Variants in PTCHD4 observed in about 807,000 individuals in gnomAD.
PTCHD4 encodes patched domain-containing protein 4.
In PTCHD4, 33 loss-of-function variants were observed where a neutral mutation model predicts 58.1. That is an observed-to-expected ratio of 0.57 (90% confidence interval 0.43 to 0.76). The LOEUF is 0.76. Among genes scored for constraint, PTCHD4 ranks in the 30% least tolerant of loss-of-function variants. The pLI is 0.00. For synonymous variants in PTCHD4, 478 were observed against 409.6 expected, an observed-to-expected ratio of 1.17 and a Z score of -2.02; for missense variants, 1,058 against 1,027.1, an observed-to-expected ratio of 1.03 and a Z score of -0.41.
intron 3 of PTCHD4, among the ~76,000 whole-genome samples, chr6:48,024,611 T>C (rs1763179095): frequency 6.6e-6 from 1 of 152,174 alleles, no homozygotes; most frequent in African/African-American, 2.4e-5. Flanking sequence ...CTGTAGGCAT[T>C]CTATGATCCC....
chr6:48,104,683 C>G (rs141187842), intron 1 of PTCHD4, among the ~76,000 whole-genome samples: 8 of 152,264 alleles, frequency 5.3e-5, no homozygotes, highest in African/African-American at 1.4e-4. Flanking sequence ...CAAGACCCAT[C>G]AGTGTGCTGT....
chr6:47,973,665 T>G (rs995871521), intron 4 of PTCHD4, among the ~76,000 whole-genome samples: 1 of 152,198 alleles, frequency 6.6e-6, no homozygotes, highest in African/African-American at 2.4e-5. Context: ...TGTATATCTA[T>G]AAGTATGGAA....
In PTCHD4 at chr6:48,068,284, A is replaced by G. The variant is rs1413589801; in HGVS notation, c.363T>C (p.Ile121=). ...VILLSPTGDN[I]LLQAEGILQT... ...GCAGGATCCCCTCAGCCTGGAGCAA[A>G]ATATTGTCCCCGGTTGGGGAGAGGA... is the stretch of plus-strand genomic sequence containing the variant. Residue 121 remains isoleucine (I), a synonymous_variant, in exon 3 of 5, where the codon ATT becomes ATC. Coordinates refer to ENST00000339488, the MANE Select transcript of PTCHD4 (RefSeq NM_001384253.1). The surrounding 1 kb of genome is among the most constrained non-coding windows in gnomAD (Gnocchi z 4.2). 3 of 1,609,186 alleles carry G rather than the reference A, an allele frequency of 1.9e-6. No homozygotes were observed. Among genetic ancestry groups the G allele is most frequent in the Non-Finnish European group, 2.6e-6 (3 of 1,176,386 alleles).
chr6:47,942,083 A>G (rs1766250981), intron 4 of PTCHD4, among the ~76,000 whole-genome samples: 1 of 152,296 alleles, frequency 6.6e-6, no homozygotes, highest in Admixed American at 6.5e-5. Context: ...ATATTATGCA[A>G]TTTGGCCATT....
intron 4 of PTCHD4, among the ~76,000 whole-genome samples, chr6:47,897,084 A>G (rs564965738): frequency 3.9e-5 from 6 of 152,196 alleles, no homozygotes; most frequent in Admixed American, 6.5e-5. Context: ...GTGTTCTAGT[A>G]TTTTGAGGTG....
chr6:47,952,969 C>T (rs1190929191), intron 4 of PTCHD4, among the ~76,000 whole-genome samples: 1 of 151,954 alleles, frequency 6.6e-6, no homozygotes, highest in African/African-American at 2.4e-5. Context: ...CATACATGCA[C>T]ATATACATAT....
At chr6:48,000,318 T>C (rs1021473987) in intron 4 of PTCHD4, among the ~76,000 whole-genome samples, 11 of 152,204 alleles carry the variant, frequency 7.2e-5, no homozygotes, top group African/African-American at 2.2e-4. Flanking sequence ...TCTGTCATTA[T>C]AGTCACATCT....
intron 4 of PTCHD4, among the ~76,000 whole-genome samples, chr6:47,939,752 TAC>T (rs1766138765): frequency 6.6e-6 from 1 of 152,100 alleles, no homozygotes; most frequent in South Asian, 2.1e-4. Context: ...AAGTGCTTAT[TAC>T]AGTTTTGACA....
At chr6:48,088,482 C>G (rs938440225) in intron 1 of PTCHD4, among the ~76,000 whole-genome samples, 1 of 151,998 alleles carries the variant, frequency 6.6e-6, no homozygotes, top group African/African-American at 2.4e-5. Context: ...ATAGAGCAAA[C>G]AAAAGCTGTG....
chr6:47,894,161 C>T (rs1277256575), intron 4 of PTCHD4, among the ~76,000 whole-genome samples: 1 of 152,196 alleles, frequency 6.6e-6, no homozygotes, highest in South Asian at 2.1e-4. Context: ...GTCAATTGAA[C>T]TTATTCCTGA....
At chr6:48,079,777 C>T (rs1000514740) in intron 1 of PTCHD4, among the ~76,000 whole-genome samples, 2 of 151,858 alleles carry the variant, frequency 1.3e-5, no homozygotes, top group Admixed American at 1.3e-4. Context: ...AGTGCTTCCA[C>T]CTCTCCACCT....
chr6:48,103,652 G>A (rs878908883), intron 1 of PTCHD4, among the ~76,000 whole-genome samples: 4 of 152,080 alleles, frequency 2.6e-5, no homozygotes, highest in African/African-American at 7.2e-5. Flanking sequence ...AAACTACTCC[G>A]AGCTAAAGGA....
At chr6:47,987,702 T>C (rs1316564396) in intron 4 of PTCHD4, among the ~76,000 whole-genome samples, 1 of 152,114 alleles carries the variant, frequency 6.6e-6, no homozygotes, top group Non-Finnish European at 1.5e-5. Flanking sequence ...CAATTCAAAC[T>C]TGGATTTCCA....
chr6:48,068,634 C>A lies in PTCHD4; in HGVS notation c.13G>T (p.Gly5Ter), dbSNP rs1453969239. 2 of 1,551,106 alleles carry A rather than the reference C, an allele frequency of 1.3e-6. No homozygotes were observed. The highest frequency in any genetic ancestry group is 1.7e-6 in the Non-Finnish European group (2 of 1,153,444). Residue 5 changes from glycine (G) to a stop codon, truncating the protein, a stop_gained, in exon 3 of 5, where the codon GGA becomes TGA. Transcript: ENST00000339488. LOFTEE classifies it high-confidence loss of function. The surrounding 1 kb of genome is among the most constrained non-coding windows in gnomAD (Gnocchi z 4.2). MRRP[G>*]APASWIWWRM... ...CACCAGATCCAGCTCGCAGGCGCTC[C>A]CGGCCGTCTTAAAAAGCACATGTGA...
At chr6:47,900,751 G>T (rs528086904) in intron 4 of PTCHD4, 1 of 152,332 alleles carries the variant, frequency 6.6e-6, no homozygotes, top group East Asian at 1.9e-4. Context: ...TTTGTCAAAT[G>T]CCCTTTCTTT....
rs142812440 is a variant in PTCHD4, at chr6:48,074,092, G to A, written c.-969-4166C>T. Among the ~76,000 whole-genome samples, 737 of 151,832 alleles carry A rather than the reference G, an allele frequency of 4.9e-3. 2 individuals are homozygous for A. Among genetic ancestry groups the A allele is most frequent in the South Asian group, 0.022 (104 of 4,806 alleles). On this transcript the variant is annotated intron_variant, in intron 1 of 4. Coordinates refer to ENST00000339488, the MANE Select transcript of PTCHD4 (RefSeq NM_001384253.1). The stretch of plus-strand genomic sequence containing the variant: ...ATGCTCTTTGACCTTCTTCTGTGAC[G>A]GGTTTAAGGAGTTTGCCAGGGATTA...
chr6:47,999,762 G>T (rs897302954), intron 4 of PTCHD4, among the ~76,000 whole-genome samples: 7 of 152,116 alleles, frequency 4.6e-5, no homozygotes, highest in Admixed American at 4.6e-4. Flanking sequence ...CTCCAACATA[G>T]TTAACTAGGT....
At chr6:48,108,354 A>G (rs916552931) in intron 1 of PTCHD4, among the ~76,000 whole-genome samples, 2 of 152,088 alleles carry the variant, frequency 1.3e-5, no homozygotes, top group Non-Finnish European at 2.9e-5. Flanking sequence ...CGCAAGGACA[A>G]AAAAACCAAA....
chr6:47,857,759 G>C lies in PTCHD4; in HGVS notation c.*20544C>G, dbSNP rs556976243. Among the ~76,000 whole-genome samples, 269 of 152,052 alleles carry C rather than the reference G, an allele frequency of 1.8e-3. No homozygotes were observed. The highest frequency in any genetic ancestry group is 3.1e-3 in the Non-Finnish European group (208 of 67,942). On this transcript the variant is annotated 3_prime_UTR_variant, in exon 5 of 5. Coordinates refer to ENST00000339488, the MANE Select transcript of PTCHD4 (RefSeq NM_001384253.1). ...AAAACATTGTGAAGTAAATCATCTA[G>C]TAAAGATGACACTACATTGAGCACA...
Sources: gnomAD v4.1 joint callset for allele counts (sites outside exome capture counted in the v4.1 genomes callset) on GRCh38, gnomAD v4.1.1 for gene constraint, Gnocchi (gnomAD v3.1) non-coding constraint, MANE v1.5 for transcripts, NCBI Gene and HGNC (gene_info 2026-07-23, HGNC 2026-07-21) for gene names.